SAMD5: variants seen among roughly 807,000 people sequenced by gnomAD.
The protein encoded by SAMD5 is sterile alpha motif domain containing 5, also known as sterile alpha motif domain-containing protein 5.
Under a neutral mutation model 11.3 loss-of-function variants are expected in SAMD5, and 13 were observed. The observed-to-expected ratio is 1.15, with a 90% CI of 0.75 to 1.83. SAMD5 has a LOEUF of 1.83. SAMD5 is among the 40% of genes most tolerant of loss of function. The pLI, the probability that SAMD5 is intolerant of heterozygous loss-of-function variation, is 0.00. For missense variants in SAMD5, 255 were observed against 239.1 expected, an observed-to-expected ratio of 1.07 and a Z score of -0.44; for synonymous variants, 129 against 111.3, an observed-to-expected ratio of 1.16 and a Z score of -1.00.
At chr6:147,638,539 T>C (rs1169327313) in intron 1 of SAMD5, among the ~76,000 whole-genome samples, 7 of 152,180 alleles carry the variant, frequency 4.6e-5, no homozygotes, top group Non-Finnish European at 1.0e-4. Flanking sequence ...TGTTTTCTCA[T>C]CTCCTGAGCC....
At chr6:147,944,542 T>C in the SAMD5 span, among the ~76,000 whole-genome samples, 1 of 152,174 alleles carries the variant, frequency 6.6e-6, no homozygotes, top group African/African-American at 2.4e-5. Flanking sequence ...AAGATGAGAT[T>C]TAGGTGGGGA....
the SAMD5 span, among the ~76,000 whole-genome samples, chr6:147,942,823 C>CTTTT: frequency 0.092 from 11,903 of 128,742 alleles, 959 homozygotes; most frequent in South Asian, 0.13. Context: ...CCCAATGCTT[C>CTTTT]TTTTTTTTTT....
the SAMD5 span, among the ~76,000 whole-genome samples, chr6:147,925,241 T>C: frequency 6.6e-6 from 1 of 152,176 alleles, no homozygotes; most frequent in Non-Finnish European, 1.5e-5. Context: ...ACTCTCTCTC[T>C]GTGTCTTCAC....
intron 1 of SAMD5, among the ~76,000 whole-genome samples, chr6:147,649,461 A>G (rs781780568): frequency 3.3e-5 from 5 of 152,174 alleles, no homozygotes; most frequent in Non-Finnish European, 4.4e-5. Context: ...TATAAAAGGG[A>G]TGTATGCTCA....
At chr6:147,756,417 G>A in the SAMD5 span, among the ~76,000 whole-genome samples, 1 of 152,058 alleles carries the variant, frequency 6.6e-6, no homozygotes, top group East Asian at 1.9e-4. Context: ...TAAGCATTTT[G>A]CATCTAGATT....
downstream of SAMD5, among the ~76,000 whole-genome samples, chr6:147,570,661 T>C (rs1477692131): frequency 6.6e-6 from 1 of 152,202 alleles, no homozygotes; most frequent in Non-Finnish European, 1.5e-5. Flanking sequence ...TCAAATCATT[T>C]AAATCAAATC....
chr6:147,523,990 CTT>C (rs1788295486), intron 1 of SAMD5, among the ~76,000 whole-genome samples: 1 of 152,150 alleles, frequency 6.6e-6, no homozygotes, highest in Non-Finnish European at 1.5e-5. Flanking sequence ...GGAATTTACT[CTT>C]TGAGACCTAC....
At chr6:147,934,435 T>A in the SAMD5 span, among the ~76,000 whole-genome samples, 1 of 152,164 alleles carries the variant, frequency 6.6e-6, no homozygotes, top group Non-Finnish European at 1.5e-5. Flanking sequence ...ATCACCATTC[T>A]GTAGGATACC....
At chr6:147,674,324 G>A (rs569962515) in intron 1 of SAMD5, among the ~76,000 whole-genome samples, 27 of 152,262 alleles carry the variant, frequency 1.8e-4, no homozygotes, top group Admixed American at 3.9e-4. Context: ...TGTGCAGCCC[G>A]TGCTTATGTG....
At chr6:147,780,789 A>G in the SAMD5 span, among the ~76,000 whole-genome samples, 1 of 152,250 alleles carries the variant, frequency 6.6e-6, no homozygotes, top group South Asian at 2.1e-4. Context: ...ATGGAAAAAT[A>G]TAACAATTTG....
At chr6:147,573,394 A>C (rs575504843), downstream of SAMD5, among the ~76,000 whole-genome samples, 1 of 152,320 alleles carries the variant, frequency 6.6e-6, no homozygotes, top group South Asian at 2.1e-4. Context: ...GAAATGCCAG[A>C]TGCTTATAAA....
the SAMD5 span, among the ~76,000 whole-genome samples, chr6:147,778,989 A>AT: frequency 0.6 from 87,968 of 147,840 alleles, 26,199 homozygotes; most frequent in Middle Eastern, 0.66. Flanking sequence ...GGGAAAATGG[A>AT]TTTTTTTTTT....
intron 1 of SAMD5, among the ~76,000 whole-genome samples, chr6:147,590,601 C>T (rs1789438567): frequency 1.3e-5 from 2 of 152,090 alleles, no homozygotes; most frequent in Admixed American, 6.6e-5. Flanking sequence ...TTTGTAGAGA[C>T]AGGGTTTCAT....
the SAMD5 span, among the ~76,000 whole-genome samples, chr6:147,904,644 C>A: frequency 6.6e-6 from 1 of 152,184 alleles, no homozygotes; most frequent in African/African-American, 2.4e-5. Flanking sequence ...CACCTGATTG[C>A]CTGGGCTGAT....
At chr6:147,727,354 G>A (rs1791643526) in intron 1 of SAMD5, among the ~76,000 whole-genome samples, 1 of 152,178 alleles carries the variant, frequency 6.6e-6, no homozygotes, top group African/African-American at 2.4e-5. Flanking sequence ...TATGCTCTAA[G>A]AAGGGTGCCC....
At chr6:147,879,088 G>A in the SAMD5 span, among the ~76,000 whole-genome samples, 1 of 152,204 alleles carries the variant, frequency 6.6e-6, no homozygotes, top group East Asian at 1.9e-4. Context: ...ACACTTTCCT[G>A]TAATGGAAAT....
intron 1 of SAMD5, among the ~76,000 whole-genome samples, chr6:147,706,109 G>A (rs1431932263): frequency 2.0e-5 from 3 of 152,098 alleles, no homozygotes; most frequent in Non-Finnish European, 4.4e-5. Context: ...TGCGTGTTGT[G>A]TGTTGTGTGT....
chr6:147,796,773 G>A, the SAMD5 span, among the ~76,000 whole-genome samples: 19 of 151,686 alleles, frequency 1.3e-4, no homozygotes, highest in East Asian at 3.5e-3. Context: ...TGCTTGAAGA[G>A]GTCCTTCACA....
intron 1 of SAMD5, among the ~76,000 whole-genome samples, chr6:147,588,051 C>T (rs1789400598): frequency 6.6e-6 from 1 of 152,088 alleles, no homozygotes; most frequent in Non-Finnish European, 1.5e-5. Flanking sequence ...TATGTGTGTG[C>T]TCCTAGGGTT....
Sources: gnomAD v4.1 joint callset for allele counts (sites outside exome capture counted in the v4.1 genomes callset) on GRCh38, gnomAD v4.1.1 for gene constraint, MANE v1.5 for transcripts, NCBI Gene and HGNC (gene_info 2026-07-23, HGNC 2026-07-21) for gene names.